The following OGFR variants were observed in gnomAD, a reference collection of about 807,000 sequenced individuals.
OGFR encodes opioid growth factor receptor, also known as protein 7-60.
In OGFR, 18 loss-of-function variants were observed where a neutral mutation model predicts 33.6. The ratio of observed to expected loss-of-function variants is 0.54; its 90% CI spans 0.37 to 0.80. The LOEUF (loss-of-function observed/expected upper bound fraction) is 0.80, where lower values mean the gene tolerates loss of function less well. Ranked by LOEUF, OGFR falls within the 30% of genes least tolerant of loss-of-function variation. OGFR has a pLI of 0.00. For missense variants in OGFR, 877 were observed against 955.8 expected (o/e 0.92, Z 1.09); for synonymous variants, 370 against 400.7 (o/e 0.92, Z 0.91).
intron 5 of OGFR, among the ~76,000 whole-genome samples, chr20:62,811,167 G>A (rs1600775788): frequency 6.6e-6 from 1 of 152,192 alleles, no homozygotes; most frequent in African/African-American, 2.4e-5. Flanking sequence ...TTTGAGACCA[G>A]CCTGGCCAAC....
At chr20:62,805,172 G>A in intron 1 of OGFR, 142 bp downstream of exon 1, 1 of 555,330 alleles carries the variant, frequency 1.8e-6, no homozygotes, top group Non-Finnish European at 2.7e-6. Flanking sequence ...CCCCCAGACC[G>A]GCCGACCCCC....
intron 3 of OGFR, among the ~76,000 whole-genome samples, chr20:62,809,227 GT>G (rs1416821223): frequency 6.6e-6 from 1 of 152,158 alleles, no homozygotes; most frequent in Non-Finnish European, 1.5e-5. Flanking sequence ...ACAGATTTCT[GT>G]GGCTGACGGG....
chr20:62,808,052 A>AGG (rs1391077843), intron 2 of OGFR, 195 bp from the exon 3 acceptor site: 1 of 649,056 alleles, frequency 1.5e-6, no homozygotes, highest in African/African-American at 1.8e-5. Flanking sequence ...GAAATGGGGA[A>AGG]GGGGGGTCCC....
chr20:62,813,026 G>C lies in OGFR; in HGVS notation c.1411G>C (p.Val471Leu), dbSNP rs954163302. The change falls in exon 7 of 7, where the codon GTG (valine) becomes CTG (leucine). Residue 471 changes from valine to leucine, a missense_variant. By Grantham distance (32) the Val-to-Leu change is conservative. This residue lies in a region of OGFR where 760 missense variants were observed against 736.0 expected (regional missense o/e 1.03). Coordinates refer to ENST00000290291, the MANE Select transcript of OGFR (RefSeq NM_007346.4). ...TGAGGGTGCTGGGGACAGTGCTGCGGTGGCCAGTGGTGGTGCCCAGACCTT... is the reference window on the plus strand; with the variant it reads ...TGAGGGTGCTGGGGACAGTGCTGCGCTGGCCAGTGGTGGTGCCCAGACCTT... ...VDEGAGDSAA[V>L]ASGGAQTLAL... The C allele has an allele frequency of 6.2e-7, 1 of 1,601,298 alleles. No individual in the cohort carries two copies.
At chr20:62,805,406 T>C (rs1990566539) in intron 1 of OGFR, 3 of 153,570 alleles carry the variant, frequency 2.0e-5, no homozygotes, top group African/African-American at 7.3e-5. Flanking sequence ...GGGCTGGGGC[T>C]GGGGCTGGGG....
At chr20:62,805,558 C>G (rs1224101593) in intron 1 of OGFR, 1 of 152,064 alleles carries the variant, frequency 6.6e-6, no homozygotes, top group African/African-American at 2.4e-5. Context: ...CTTTTGTTGC[C>G]GCGCTGGGAA....
chr20:62,805,205 G>A (rs1245304408), intron 1 of OGFR, among the ~76,000 whole-genome samples, 175 bp downstream of exon 1: 1 of 151,896 alleles, frequency 6.6e-6, no homozygotes, highest in African/African-American at 2.4e-5. Context: ...CGGCGGGGAA[G>A]TGCGGGGGCC....
rs748822231 is a variant in OGFR, at chr20:62,812,862, G to T, written c.1247G>T (p.Gly416Val). Residue 416 changes from glycine to valine, a missense_variant, in exon 7 of 7, where the codon GGG (glycine) becomes GTG (valine). Gly to Val is a moderately radical substitution (Grantham distance 109, BLOSUM62 -3). Around this residue, in one of 3 missense-constraint regions of OGFR, gnomAD observed 760 missense variants for 736.0 expected, o/e 1.03. Transcript: ENST00000290291. ...EVEKIALNLE[G>V]CALSQGSLRT... ...GAGAAGATCGCTCTGAATTTGGAGG[G>T]GTGTGCCCTCAGCCAGGGCAGCCTC... is the stretch of plus-strand genomic sequence containing the variant. 2 of 1,612,700 alleles carry T rather than the reference G, an allele frequency of 1.2e-6. No homozygotes were observed. Among genetic ancestry groups the T allele is most frequent in the East Asian group, 4.5e-5 (2 of 44,868 alleles).
At chr20:62,809,461 G>A (rs1418926410) in intron 3 of OGFR, 124 bp from the exon 4 acceptor site, 4 of 730,236 alleles carry the variant, frequency 5.5e-6, no homozygotes, top group East Asian at 2.6e-5. Context: ...AGGAGATGAG[G>A]GCGAGGAATA....
rs1454220660 is a variant in OGFR at position 62,813,881 on chromosome 20, C to T, written c.*232C>T. Reference sequence around the variant, plus strand: ...CTGGCTGTGTCTTCCCCACCCAGCTCTCCCCTGCGCCCCTGTCTTTGTAAA... The same window carrying T: ...CTGGCTGTGTCTTCCCCACCCAGCTTTCCCCTGCGCCCCTGTCTTTGTAAA... On this transcript the variant is annotated 3_prime_UTR_variant, in exon 7 of 7. Coordinates refer to ENST00000290291, the MANE Select transcript of OGFR (RefSeq NM_007346.4). The T allele has an allele frequency of 1.7e-6, 1 of 596,398 alleles. No individual in the cohort carries two copies. Among genetic ancestry groups the T allele is most frequent in the Non-Finnish European group, 3.0e-6 (1 of 336,906 alleles). The allele number at this position is 596,398 out of a possible 1,614,324, so 36.9% of individuals were successfully genotyped here.
At chr20:62,805,107 A>C (rs2147180365) in intron 1 of OGFR, 77 bp downstream of exon 1, 2 of 1,159,328 alleles carry the variant, frequency 1.7e-6, no homozygotes, top group Non-Finnish European at 2.2e-6. Context: ...AGACCCCCCC[A>C]TCCCGGGCGG....
chr20:62,812,941 CTG>C lies in OGFR; in HGVS notation c.1327_1328del (p.Cys443ProfsTer20). The C allele has an allele frequency of 1.2e-6, 2 of 1,612,274 alleles. No homozygotes were observed. The highest frequency in any genetic ancestry group is 1.7e-6 in the Non-Finnish European group (2 of 1,179,816). The stretch of plus-strand genomic sequence containing the variant: ...AGGACCCTGGGGAGGCAGTGCAGCC[CTG>C]CCGCCAACCCCTGGGAGCCAGGGTG... ...GQDPGEAVQP[C>X]RQPLGARVAD... is the part of the protein sequence containing the mutation. On this transcript the variant is annotated frameshift_variant, in exon 7 of 7. Transcript: ENST00000290291. LOFTEE classifies it low-confidence loss of function (END_TRUNC).
intron 5 of OGFR, 99 bp downstream of exon 5, chr20:62,810,664 G>A (rs776283278): frequency 1.6e-4 from 184 of 1,150,332 alleles, no homozygotes; most frequent in Non-Finnish European, 2.3e-4. Context: ...TAGGCATTTG[G>A]TGCCCCCTCA....
rs1390640213 is a variant in OGFR, at chr20:62,804,947, G to A, written c.88G>A (p.Ala30Thr). 1.3e-6 allele frequency: 2 copies of A among 1,492,626 alleles called. No individual in the cohort carries two copies. The highest frequency in any genetic ancestry group is 1.8e-6 in the Non-Finnish European group (2 of 1,121,572). 92.5% of individuals were successfully genotyped at this position (1,492,626 alleles called of 1,614,324 possible). Residue 30 changes from alanine to threonine, a missense_variant, in exon 1 of 7, where the codon GCC (alanine) becomes ACC (threonine). By Grantham distance (58) the Ala-to-Thr change is moderately conservative. Transcript: ENST00000290291. Reference protein sequence around the residue: ...AEDEDCEDGEAAGARDADAGD... With the variant: ...AEDEDCEDGETAGARDADAGD... The stretch of plus-strand genomic sequence containing the variant: ...GGACGAGGACTGCGAGGACGGCGAG[G>A]CCGCCGGCGCGAGGGACGCGGACGC...
intron 5 of OGFR, among the ~76,000 whole-genome samples, chr20:62,811,214 A>C (rs1990720382): frequency 6.6e-6 from 1 of 152,126 alleles, no homozygotes; most frequent in Non-Finnish European, 1.5e-5. Context: ...ATAGAAAAAA[A>C]TTAGCCAGGT....
intron 1 of OGFR, chr20:62,806,245 AG>A (rs1990589822): frequency 6.6e-6 from 1 of 152,284 alleles, no homozygotes; most frequent in African/African-American, 2.4e-5. Context: ...GGCCCTGTTG[AG>A]AAATCAGGCC....
At chr20:62,807,903 A>G in intron 2 of OGFR, 1 of 599,098 alleles carries the variant, frequency 1.7e-6, no homozygotes, top group South Asian at 2.0e-5. Context: ...TACCGCCCAC[A>G]CAGCACCCCA....
rs371652839 is a variant in OGFR, at chr20:62,813,664, G to A, written c.*15G>A. 33 of 1,610,128 alleles carry A rather than the reference G, an allele frequency of 2.0e-5. No homozygotes were observed. Among genetic ancestry groups the A allele is most frequent in the African/African-American group, 1.3e-4 (10 of 74,838 alleles). ...GGAAGCCTTAAGGAAAGGAGTGCCCGTCGGCGTCTTGGTCCTCCTGTCCCT... is the reference window on the plus strand; with the variant it reads ...GGAAGCCTTAAGGAAAGGAGTGCCCATCGGCGTCTTGGTCCTCCTGTCCCT... On this transcript the variant is annotated 3_prime_UTR_variant, in exon 7 of 7. Transcript: ENST00000290291.
chr20:62,805,035 G>A lies in OGFR; in HGVS notation c.171+5G>A. 1.5e-6 allele frequency: 2 copies of A among 1,360,840 alleles called. No homozygotes were observed. Among genetic ancestry groups the A allele is most frequent in the Non-Finnish European group, 1.9e-6 (2 of 1,062,310 alleles). The allele number at this position is 1,360,840 out of a possible 1,614,324, so 84.3% of individuals were successfully genotyped here. ...GCGCGGCCCAGCTCGTTCCAGGTGC[G>A]GCCCCGCGGCGCGGAAGAGGCCTGG... On this transcript the variant is annotated splice_donor_5th_base_variant and intron_variant, in intron 1 of 6. Coordinates refer to ENST00000290291, the MANE Select transcript of OGFR (RefSeq NM_007346.4).
Sources: allele counts gnomAD v4.1 joint callset (sites outside exome capture counted in the v4.1 genomes callset), GRCh38; gene constraint gnomAD v4.1.1; regional missense constraint gnomAD v4.1.1; transcripts MANE v1.5; gene names NCBI Gene and HGNC (gene_info 2026-07-23, HGNC 2026-07-21).